Variants in NWD2 observed in about 807,000 individuals in gnomAD.
NWD2 encodes the protein NACHT and WD repeat domain-containing protein 2.
In NWD2, 37 loss-of-function variants were observed where a neutral mutation model predicts 132.7. That is an observed-to-expected ratio of 0.28 (90% CI 0.21 to 0.37). The LOEUF is 0.37. Among genes scored for constraint, NWD2 ranks in the 10% least tolerant of loss-of-function variants. The pLI is 1.00. For synonymous variants in NWD2, 705 were observed against 803.0 expected (o/e 0.88, Z 2.06); for missense variants, 1,592 against 2,122.4 (o/e 0.75, Z 4.91).
intron 3 of NWD2, among the ~76,000 whole-genome samples, chr4:37,418,530 T>G (rs912168402): frequency 1.3e-5 from 2 of 152,054 alleles, no homozygotes; most frequent in Non-Finnish European, 2.9e-5. Context: ...AACACTGTGT[T>G]AGCCAGGTGC....
chr4:37,356,858 A>G (rs574701066), intron 3 of NWD2, among the ~76,000 whole-genome samples: 13 of 152,222 alleles, frequency 8.5e-5, no homozygotes, highest in Non-Finnish European at 1.3e-4. Context: ...TCTTAACGCT[A>G]GAATTTCTGG....
At chr4:37,426,311 G>A (rs1443114154) in intron 3 of NWD2, among the ~76,000 whole-genome samples, 1 of 152,158 alleles carries the variant, frequency 6.6e-6, no homozygotes, top group Non-Finnish European at 1.5e-5. Context: ...AATCAATAGA[G>A]AGAAGGAAAA....
At chr4:37,246,392 G>A (rs952703044) in intron 1 of NWD2, among the ~76,000 whole-genome samples, 1 of 152,156 alleles carries the variant, frequency 6.6e-6, no homozygotes, top group African/African-American at 2.4e-5. Context: ...AGGAGTTGGG[G>A]AGAGAATCAA....
chr4:37,397,987 A>G (rs778768491), intron 3 of NWD2, among the ~76,000 whole-genome samples: 3 of 152,188 alleles, frequency 2.0e-5, no homozygotes, highest in African/African-American at 4.8e-5. Context: ...GTCCAGAAAC[A>G]TGCATTGAAG....
intron 1 of NWD2, among the ~76,000 whole-genome samples, chr4:37,300,555 T>A (rs1282143663): frequency 6.6e-6 from 1 of 152,154 alleles, no homozygotes; most frequent in Non-Finnish European, 1.5e-5. Flanking sequence ...AACTCTGAAG[T>A]CACCAATTTT....
chr4:37,286,869 G>T (rs1467294142), intron 1 of NWD2, among the ~76,000 whole-genome samples: 1 of 152,012 alleles, frequency 6.6e-6, no homozygotes, highest in African/African-American at 2.4e-5. Flanking sequence ...AAATCATGGG[G>T]TGCGGGGCCA....
intron 3 of NWD2, among the ~76,000 whole-genome samples, chr4:37,382,717 C>G (rs184538319): frequency 6.6e-6 from 1 of 151,990 alleles, no homozygotes. Flanking sequence ...TTGAGGCAGG[C>G]TCTGGCTCTG....
intron 2 of NWD2, among the ~76,000 whole-genome samples, chr4:37,346,460 TA>T (rs1353733772): frequency 6.6e-6 from 1 of 152,230 alleles, no homozygotes; most frequent in African/African-American, 2.4e-5. Context: ...TCTTCAACTT[TA>T]TTCTTCTTTT....
chr4:37,347,707 ATTACTT>A (rs1247880264), intron 2 of NWD2, among the ~76,000 whole-genome samples: 5 of 152,190 alleles, frequency 3.3e-5, no homozygotes, highest in Non-Finnish European at 7.3e-5. Context: ...TGTTATAATT[ATTACTT>A]TATATAATTG....
At chr4:37,301,284 A>G (rs1426786844) in intron 1 of NWD2, among the ~76,000 whole-genome samples, 1 of 152,092 alleles carries the variant, frequency 6.6e-6, no homozygotes. Context: ...ATGAAATGGA[A>G]TTTCAGTATT....
intron 3 of NWD2, among the ~76,000 whole-genome samples, chr4:37,421,904 G>A (rs981018242): frequency 6.6e-6 from 1 of 152,130 alleles, no homozygotes; most frequent in African/African-American, 2.4e-5. Flanking sequence ...GCATGGTCAG[G>A]TTCCAGTGAG....
At chr4:37,436,460 C>A (rs771556692) in intron 5 of NWD2, among the ~76,000 whole-genome samples, 52 of 152,040 alleles carry the variant, frequency 3.4e-4, no homozygotes, top group Non-Finnish European at 8.8e-5. Context: ...CAGCATTTAT[C>A]CCCCCTGAGC....
intron 1 of NWD2, among the ~76,000 whole-genome samples, chr4:37,285,213 G>A (rs191713230): frequency 2.6e-5 from 4 of 152,114 alleles, no homozygotes; most frequent in South Asian, 2.1e-4. Flanking sequence ...TCTTGTGAAC[G>A]TTCCAACACA....
chr4:37,381,101 G>A (rs1361719762), intron 3 of NWD2, among the ~76,000 whole-genome samples: 3 of 152,118 alleles, frequency 2.0e-5, no homozygotes, highest in South Asian at 2.1e-4. Context: ...ATCCTAACAC[G>A]TCAAGCCTCC....
intron 3 of NWD2, among the ~76,000 whole-genome samples, chr4:37,391,066 G>C (rs779662514): frequency 1.3e-5 from 2 of 152,034 alleles, no homozygotes; most frequent in Non-Finnish European, 2.9e-5. Flanking sequence ...TCCAGTTTGG[G>C]TGCATTTACC....
At chr4:37,342,594 A>G (rs1366865301) in intron 2 of NWD2, among the ~76,000 whole-genome samples, 1 of 152,116 alleles carries the variant, frequency 6.6e-6, no homozygotes, top group Non-Finnish European at 1.5e-5. Flanking sequence ...CAGACACACA[A>G]CAACTTCCAT....
intron 3 of NWD2, among the ~76,000 whole-genome samples, chr4:37,399,771 T>C (rs1316956617): frequency 6.6e-6 from 1 of 152,234 alleles, no homozygotes; most frequent in Non-Finnish European, 1.5e-5. Flanking sequence ...TTTATGCTGC[T>C]TCTTCAGGTA....
chr4:37,359,067 G>T (rs546257611), intron 3 of NWD2, among the ~76,000 whole-genome samples: 35 of 152,266 alleles, frequency 2.3e-4, no homozygotes, highest in Non-Finnish European at 3.2e-4. Flanking sequence ...TGAGAGAGAT[G>T]TTCTCCCCCT....
chr4:37,334,812 A>C (rs17603709), intron 2 of NWD2, among the ~76,000 whole-genome samples: 31,175 of 152,018 alleles, frequency 0.21, 3,308 homozygotes, highest in South Asian at 0.32. Context: ...TGGTATTTAC[A>C]TTGGTCTTAG....
Sources: allele counts gnomAD v4.1 joint callset (sites outside exome capture counted in the v4.1 genomes callset), GRCh38; gene constraint gnomAD v4.1.1; transcripts MANE v1.5; gene names NCBI Gene and HGNC (gene_info 2026-07-23, HGNC 2026-07-21).